The following CCDC62 variants were observed in gnomAD, a reference collection of about 807,000 sequenced individuals.
The protein encoded by CCDC62 is coiled-coil domain-containing protein 62.
A neutral mutation model predicts 80.8 loss-of-function variants in CCDC62; 72 were observed. The observed-to-expected ratio is 0.89, with a 90% confidence interval of 0.74 to 1.08. The LOEUF is 1.08. CCDC62 is among the 50% of genes least tolerant of loss of function. CCDC62 has a pLI of 0.00. For synonymous variants in CCDC62, 286 were observed against 296.5 expected (o/e 0.96, Z 0.36); for missense variants, 704 against 809.4 (o/e 0.87, Z 1.58).
At chr12:122,793,971 G>A (rs181990678) in intron 6 of CCDC62, among the ~76,000 whole-genome samples, 1 of 152,094 alleles carries the variant, frequency 6.6e-6, no homozygotes, top group African/African-American at 2.4e-5. Flanking sequence ...GCATTTGTAC[G>A]CCAGGTGCCC....
intron 6 of CCDC62, among the ~76,000 whole-genome samples, chr12:122,795,161 A>G (rs1276502294): frequency 3.4e-5 from 5 of 147,496 alleles, no homozygotes; most frequent in Non-Finnish European, 7.5e-5. Context: ...AGCAATTCTC[A>G]TGCCTCAGCC....
At chr12:122,808,076 C>T (rs1308065852) in intron 10 of CCDC62, among the ~76,000 whole-genome samples, 1 of 152,090 alleles carries the variant, frequency 6.6e-6, no homozygotes, top group Admixed American at 6.6e-5. Context: ...GCAGGCGGAT[C>T]ACTTGAGGTC....
rs750420995 is a variant in CCDC62 at position 122,812,777 on chromosome 12, G to GAGAC, written c.1852-490_1852-489insCAGA. On this transcript the variant is annotated intron_variant, in intron 10 of 12. Transcript: ENST00000253079. ...GGAGGGAGAGAGAGAGAGAGAGAGA[G>GAGAC]AGAAAGAAAGAAAGAAAGAAAGAAA... is the stretch of plus-strand genomic sequence containing the variant. 9.3e-4 allele frequency among the ~76,000 whole-genome samples: 54 copies of GAGAC among 57,786 alleles called. 1 individual carries two copies. Among genetic ancestry groups the GAGAC allele is most frequent in the African/African-American group, 4.1e-3 (53 of 12,856 alleles). The allele number at this position is 57,786 out of a possible 152,430, so 37.9% of individuals were successfully genotyped here. A position where few individuals can be genotyped will look rare whatever the true frequency, so the allele number is the denominator to read the frequency against.
At chr12:122,797,266 A>G (rs769865324) in intron 6 of CCDC62, 41 bp from the exon 7 acceptor site, 1 of 929,662 alleles carries the variant, frequency 1.1e-6, no homozygotes, top group Non-Finnish European at 1.8e-6. Flanking sequence ...TTGTGTGGCT[A>G]TAGCTGATGA....
At position 122,823,349 on chromosome 12, in the gene CCDC62, T is replaced by C. The variant is rs751322191; in HGVS notation, c.2002-17T>C. 1.9e-6 allele frequency: 3 copies of C among 1,598,316 alleles called. 1 individual carries two copies. Among genetic ancestry groups the C allele is most frequent in the Non-Finnish European group, 2.6e-6 (3 of 1,165,842 alleles). On this transcript the variant is annotated splice_polypyrimidine_tract_variant and intron_variant, in intron 11 of 12. Coordinates refer to ENST00000253079, the MANE Select transcript of CCDC62 (RefSeq NM_201435.5). ...AGTTTCTCTATCCTGAATACTAATC[T>C]GGGAGTTGTTTTCTAGAAGTCAGAG...
chr12:122,781,435 C>A, intron 3 of CCDC62, 105 bp downstream of exon 3: 1 of 1,102,652 alleles, frequency 9.1e-7, no homozygotes, highest in Non-Finnish European at 1.3e-6. Context: ...CCTGTAATGC[C>A]AACACTTTGG....
At chr12:122,812,779 GAAAGAAAGAA>G (rs1324492324) in intron 10 of CCDC62, among the ~76,000 whole-genome samples, 16 of 80,548 alleles carry the variant, frequency 2.0e-4, no homozygotes, top group African/African-American at 1.1e-3. Context: ...GAGAGAGAGA[GAAAGAAAGAA>G]AGAAAGAAAG....
intron 10 of CCDC62, among the ~76,000 whole-genome samples, chr12:122,812,809 AAG>A (rs1184157473): frequency 6.7e-6 from 1 of 149,956 alleles, no homozygotes; most frequent in Non-Finnish European, 1.5e-5. Flanking sequence ...GAAAGAAAGA[AAG>A]AAAGAAAGAA....
At chr12:122,790,379 G>A (rs938735432) in intron 5 of CCDC62, among the ~76,000 whole-genome samples, 2 of 151,886 alleles carry the variant, frequency 1.3e-5, no homozygotes. Context: ...AAGAAAAATA[G>A]TGGCTGGGCA....
intron 11 of CCDC62, among the ~76,000 whole-genome samples, chr12:122,822,384 G>A (rs1031276595): frequency 6.6e-6 from 1 of 151,946 alleles, no homozygotes; most frequent in Non-Finnish European, 1.5e-5. Flanking sequence ...GATTACAGGC[G>A]TGAGCCACTG....
At chr12:122,783,357 A>C (rs2029989801) in intron 3 of CCDC62, among the ~76,000 whole-genome samples, 1 of 150,568 alleles carries the variant, frequency 6.6e-6, no homozygotes, top group East Asian at 2.0e-4. Context: ...CCTCCCTAGT[A>C]GCTGGGACTA....
intron 10 of CCDC62, among the ~76,000 whole-genome samples, chr12:122,812,522 C>T (rs1293276064): frequency 4.0e-5 from 6 of 149,366 alleles, no homozygotes; most frequent in African/African-American, 1.2e-4. Context: ...AGGCAGATCA[C>T]GAGGTCAGGA....
chr12:122,801,616 G>A lies in CCDC62; in HGVS notation c.1470G>A (p.Met490Ile). 2 of 1,614,176 alleles carry A rather than the reference G, an allele frequency of 1.2e-6. No individual in the cohort carries two copies. Among genetic ancestry groups the A allele is most frequent in the Non-Finnish European group, 8.5e-7 (1 of 1,180,024 alleles). The change falls in exon 9 of 13, where the codon ATG becomes ATA. Residue 490 changes from methionine to isoleucine, a missense_variant. Met to Ile is a conservative substitution (Grantham distance 10, BLOSUM62 1). Transcript: ENST00000253079. The stretch of plus-strand genomic sequence containing the variant: ...TGGATGTAGAATGTCAAGATCAGAT[G>A]GAAAGGTCCGAAATCTCATGCTGCC... ...EKLDVECQDQ[M>I]ERSEISCCQK...
chr12:122,794,403 C>T (rs1045936223), intron 6 of CCDC62, among the ~76,000 whole-genome samples: 1 of 152,008 alleles, frequency 6.6e-6, no homozygotes, highest in Non-Finnish European at 1.5e-5. Flanking sequence ...CTATGTTGCC[C>T]AGTCTGGTCT....
intron 3 of CCDC62, among the ~76,000 whole-genome samples, chr12:122,784,638 C>A (rs934339076): frequency 6.6e-6 from 1 of 152,070 alleles, no homozygotes; most frequent in Non-Finnish European, 1.5e-5. Context: ...CAAGACCAGC[C>A]TGGGCAACAT....
At chr12:122,806,879 A>T (rs1480044652) in intron 10 of CCDC62, among the ~76,000 whole-genome samples, 1 of 151,674 alleles carries the variant, frequency 6.6e-6, no homozygotes, top group Non-Finnish European at 1.5e-5. Flanking sequence ...GAAAAAGAAA[A>T]ACAAACCACA....
chr12:122,806,131 T>C lies in CCDC62; in HGVS notation c.1707-20T>C. On this transcript the variant is annotated intron_variant, in intron 9 of 12. Transcript: ENST00000253079. The stretch of plus-strand genomic sequence containing the variant: ...TATTGTTTTAAGATATTTGTTTTTG[T>C]TGGGTTTTCTTATTCTTAGTGAGCT... 2 of 1,601,588 alleles carry C rather than the reference T, an allele frequency of 1.2e-6. No individual in the cohort carries two copies. Among genetic ancestry groups the C allele is most frequent in the East Asian group, 2.2e-5 (1 of 44,718 alleles).
chr12:122,784,209 G>T (rs1028482390), intron 3 of CCDC62, among the ~76,000 whole-genome samples: 1 of 152,034 alleles, frequency 6.6e-6, no homozygotes, highest in African/African-American at 2.4e-5. Flanking sequence ...TCCTCCTAAA[G>T]ATATCTTTTT....
At chr12:122,823,514 C>T (rs1324235579) in intron 12 of CCDC62, 55 bp downstream of exon 12, 21 of 883,134 alleles carry the variant, frequency 2.4e-5, no homozygotes, top group Non-Finnish European at 3.4e-5. Context: ...TAATAAGTAA[C>T]TTGGGAACAT....
Sources: allele counts gnomAD v4.1 joint callset (sites outside exome capture counted in the v4.1 genomes callset), GRCh38; gene constraint gnomAD v4.1.1; transcripts MANE v1.5; gene names NCBI Gene and HGNC (gene_info 2026-07-23, HGNC 2026-07-21).